ANO6: variants seen among roughly 807,000 people sequenced by gnomAD.
The protein encoded by ANO6 is anoctamin 6.
Under a neutral mutation model 117.5 loss-of-function variants are expected in ANO6, and 106 were observed. The observed-to-expected ratio is 0.90, with a 90% CI of 0.77 to 1.06. The LOEUF (loss-of-function observed/expected upper bound fraction) is 1.06. ANO6 is among the 50% of genes least tolerant of loss of function. The pLI is 0.00. For synonymous variants in ANO6, 367 were observed against 385.1 expected (o/e 0.95, Z 0.55); for missense variants, 955 against 1,121.1 (o/e 0.85, Z 2.12).
rs1344479300 is a variant in ANO6 at position 45,229,416 on chromosome 12, G to GTCTCACTC, written c.70+13027_70+13034dup. Among the ~76,000 whole-genome samples the GTCTCACTC allele has an allele frequency of 2.3e-4, 27 of 117,004 alleles. No homozygotes were observed. In the East Asian group the frequency reaches 6.3e-3, roughly 28 times the overall value. 76.8% of individuals were successfully genotyped at this position (117,004 alleles called of 152,430 possible). ...TTTTTTTTTTTTTTTTTGAGACAGT[G>GTCTCACTC]TCTCACTCTGTCGCCCAGGCTGGAG... On this transcript the variant is annotated intron_variant, in intron 1 of 19. Transcript: ENST00000320560.
intron 12 of ANO6, among the ~76,000 whole-genome samples, chr12:45,398,370 C>T (rs967681515): frequency 1.1e-4 from 16 of 152,200 alleles, no homozygotes; most frequent in African/African-American, 3.6e-4. Context: ...TGATAGGACT[C>T]AGTGTCTGTG....
At chr12:45,241,216 T>A in intron 1 of ANO6, among the ~76,000 whole-genome samples, 1 of 152,254 alleles carries the variant, frequency 6.6e-6, no homozygotes, top group Non-Finnish European at 1.5e-5. Context: ...TCTTTTCACA[T>A]AGTCCCATAT....
chr12:45,311,663 T>C (rs1939854691), intron 2 of ANO6, among the ~76,000 whole-genome samples: 1 of 152,072 alleles, frequency 6.6e-6, no homozygotes, highest in African/African-American at 2.4e-5. Context: ...CTAGATTTCA[T>C]TTCAGTAGAA....
intron 2 of ANO6, among the ~76,000 whole-genome samples, chr12:45,314,674 A>T (rs1046700094): frequency 6.6e-6 from 1 of 151,994 alleles, no homozygotes; most frequent in Non-Finnish European, 1.5e-5. Flanking sequence ...GCCAGAATCT[A>T]TATATTGATA....
At chr12:45,254,068 G>A (rs956951746) in intron 1 of ANO6, among the ~76,000 whole-genome samples, 24 of 152,208 alleles carry the variant, frequency 1.6e-4, no homozygotes, top group African/African-American at 5.8e-4. Context: ...TCAGGAGGCT[G>A]AGGCAGAAGA....
intron 16 of ANO6, among the ~76,000 whole-genome samples, chr12:45,412,783 G>C (rs1273770941): frequency 6.6e-6 from 1 of 152,212 alleles, no homozygotes; most frequent in Non-Finnish European, 1.5e-5. Flanking sequence ...GGGGATACCA[G>C]GGCACTTGGT....
In ANO6 at chr12:45,429,977, A is replaced by T; in HGVS notation, c.*666A>T. The T allele has an allele frequency of 1.0e-6, 1 of 986,568 alleles. No individual in the cohort carries two copies. The highest frequency in any genetic ancestry group is 1.2e-6 in the Non-Finnish European group (1 of 830,784). 61.1% of individuals were successfully genotyped at this position (986,568 alleles called of 1,614,324 possible). A position where few individuals can be genotyped will look rare whatever the true frequency, so the allele number is the denominator to read the frequency against. ...TTTTGAAGCATATTTGTCCTAATCC[A>T]CAGTGACACTTTTTATCTTCCAGGA... On this transcript the variant is annotated 3_prime_UTR_variant, in exon 20 of 20. Coordinates refer to ENST00000320560, the MANE Select transcript of ANO6 (RefSeq NM_001025356.3).
Position 45,416,900 on chromosome 12 carries a change from C to T in ANO6, c.2213C>T (p.Thr738Ile), listed in dbSNP as rs2137684318. 1 of 1,614,052 alleles carries T rather than the reference C, an allele frequency of 6.2e-7. No homozygotes were observed. Among genetic ancestry groups the T allele is most frequent in the South Asian group, 1.1e-5 (1 of 91,078 alleles). The part of the protein sequence containing the change: ...MQGIAILAVV[T>I]NAMIIAFTSD... ...GGAATAGCAATTCTGGCTGTGGTGA[C>T]CAATGTGAGTAGACCTAAGCTTTAC... Residue 738 changes from threonine (T) to isoleucine (I), a missense_variant, in exon 17 of 20, where the codon ACC (threonine) becomes ATC (isoleucine). By Grantham distance (89) the Thr-to-Ile change is moderately conservative. Transcript: ENST00000320560.
intron 2 of ANO6, among the ~76,000 whole-genome samples, chr12:45,314,250 A>T (rs1565682512): frequency 6.6e-6 from 1 of 151,996 alleles, no homozygotes; most frequent in Non-Finnish European, 1.5e-5. Flanking sequence ...TGGTCTTAGT[A>T]GAACCTAAGT....
chr12:45,378,135 CA>C, intron 10 of ANO6, 22 bp downstream of exon 10: 1 of 1,093,422 alleles, frequency 9.1e-7, no homozygotes. Flanking sequence ...TTTTTTTTTT[CA>C]TGCACTCAAT....
chr12:45,231,393 G>C (rs921721966), intron 1 of ANO6, among the ~76,000 whole-genome samples: 1 of 152,168 alleles, frequency 6.6e-6, no homozygotes, highest in African/African-American at 2.4e-5. Flanking sequence ...ATAACCAAAT[G>C]TTAGAACTTA....
At chr12:45,411,137 TTTA>T (rs1250722034) in intron 16 of ANO6, among the ~76,000 whole-genome samples, 1 of 152,202 alleles carries the variant, frequency 6.6e-6, no homozygotes, top group East Asian at 1.9e-4. Context: ...CAGAATGTCA[TTTA>T]TTATTTTTAA....
chr12:45,409,878 C>T (rs1943042000), intron 16 of ANO6, among the ~76,000 whole-genome samples: 1 of 152,162 alleles, frequency 6.6e-6, no homozygotes, highest in Non-Finnish European at 1.5e-5. Context: ...GCCTCAGCCT[C>T]CTGAGTAGCC....
In ANO6 at chr12:45,247,206, C is replaced by T. The variant is rs149551359; in HGVS notation, c.70+30815C>T. ...CTCCCAAAAGTGCTGGAATTACAGG[C>T]GTGAGCCACCATGCCTGGCAGTTCC... On this transcript the variant is annotated intron_variant, in intron 1 of 19. Transcript: ENST00000320560. Among the ~76,000 whole-genome samples the T allele has an allele frequency of 2.9e-3, 443 of 152,266 alleles. 1 individual carries two copies. The highest frequency in any genetic ancestry group is 0.01 in the Middle Eastern group (3 of 294).
chr12:45,331,679 TC>T (rs1940671229), intron 3 of ANO6, among the ~76,000 whole-genome samples: 1 of 152,248 alleles, frequency 6.6e-6, no homozygotes, highest in East Asian at 1.9e-4. Flanking sequence ...AATTGGACTT[TC>T]TATTGTACAG....
At chr12:45,241,249 C>T (rs1263627959) in intron 1 of ANO6, among the ~76,000 whole-genome samples, 1 of 152,160 alleles carries the variant, frequency 6.6e-6, no homozygotes, top group Non-Finnish European at 1.5e-5. Flanking sequence ...TTGTTCGTTT[C>T]TTTTTCTTCT....
intron 3 of ANO6, among the ~76,000 whole-genome samples, chr12:45,334,561 T>G (rs961006502): frequency 1.3e-5 from 2 of 152,012 alleles, no homozygotes; most frequent in African/African-American, 4.8e-5. Context: ...AGATTTCCTT[T>G]CACAATTCAT....
intron 1 of ANO6, among the ~76,000 whole-genome samples, chr12:45,294,761 A>C (rs1259816606): frequency 1.3e-5 from 2 of 152,224 alleles, no homozygotes; most frequent in Non-Finnish European, 2.9e-5. Flanking sequence ...TTATTCGAAA[A>C]TGATTGCTGA....
chr12:45,361,952 G>C (rs1160031332), intron 8 of ANO6, among the ~76,000 whole-genome samples: 1 of 152,032 alleles, frequency 6.6e-6, no homozygotes. Context: ...TAGGTCTCTA[G>C]TTTTCTTATG....
Sources: gnomAD v4.1 joint callset for allele counts (sites outside exome capture counted in the v4.1 genomes callset) on GRCh38, gnomAD v4.1.1 for gene constraint, MANE v1.5 for transcripts, NCBI Gene and HGNC (gene_info 2026-07-23, HGNC 2026-07-21) for gene names.